The following PDE1C variants were observed in gnomAD, a reference collection of about 807,000 sequenced individuals.
PDE1C encodes dual specificity calcium/calmodulin-dependent 3',5'-cyclic nucleotide phosphodiesterase 1C.
In PDE1C, 62 loss-of-function variants were observed where a neutral mutation model predicts 93.1. That is an observed-to-expected ratio of 0.67 (90% CI 0.54 to 0.82). The LOEUF (loss-of-function observed/expected upper bound fraction) is 0.82, where lower values mean the gene tolerates loss of function less well. Among genes scored for constraint, PDE1C ranks in the 40% least tolerant of loss-of-function variants. The probability of loss-of-function intolerance (pLI) is 0.00; values close to 1 mark genes in which losing one functional copy is unlikely to be tolerated. For synonymous variants in PDE1C, 325 were observed against 310.1 expected (o/e 1.05, Z -0.50); for missense variants, 742 against 884.6 (o/e 0.84, Z 2.04).
intron 3 of PDE1C, among the ~76,000 whole-genome samples, chr7:32,119,437 C>A (rs1235565015): frequency 6.6e-6 from 1 of 152,158 alleles, no homozygotes; most frequent in Non-Finnish European, 1.5e-5. Flanking sequence ...TAAATTACAG[C>A]AAGGCTGGTA....
chr7:32,226,038 A>G (rs1286062999), intron 1 of PDE1C, among the ~76,000 whole-genome samples: 6 of 152,174 alleles, frequency 3.9e-5, no homozygotes, highest in Non-Finnish European at 7.3e-5. Flanking sequence ...AGCCTGGGCA[A>G]TATAGCGAGA....
At chr7:32,006,626 C>A (rs1216044905) in intron 2 of PDE1C, among the ~76,000 whole-genome samples, 1 of 152,086 alleles carries the variant, frequency 6.6e-6, no homozygotes, top group African/African-American at 2.4e-5. Flanking sequence ...GATAAGAGCT[C>A]AATGTTGGAA....
At chr7:31,983,312 GCTT>G (rs1310746676) in intron 2 of PDE1C, among the ~76,000 whole-genome samples, 2 of 152,274 alleles carry the variant, frequency 1.3e-5, no homozygotes, top group African/African-American at 4.8e-5. Flanking sequence ...TCTTATGAAA[GCTT>G]CTACATAAAA....
chr7:32,061,338 C>G (rs978252387), intron 1 of PDE1C, among the ~76,000 whole-genome samples: 1 of 152,202 alleles, frequency 6.6e-6, no homozygotes, highest in Admixed American at 6.5e-5. Context: ...CCTTAAAGAG[C>G]AGAGAAAGGG....
intron 2 of PDE1C, among the ~76,000 whole-genome samples, chr7:32,209,118 A>T (rs780343376): frequency 2.6e-5 from 4 of 152,238 alleles, no homozygotes; most frequent in Non-Finnish European, 4.4e-5. Context: ...TAATGTGAAC[A>T]GGCATCCCCT....
intron 1 of PDE1C, among the ~76,000 whole-genome samples, chr7:32,064,287 A>G (rs754754672): frequency 3.9e-4 from 60 of 152,128 alleles, no homozygotes; most frequent in Non-Finnish European, 4.9e-4. Flanking sequence ...AATTTAACAT[A>G]TCTATACCCA....
At chr7:32,104,746 C>T (rs150015257) in intron 3 of PDE1C, among the ~76,000 whole-genome samples, 4 of 152,208 alleles carry the variant, frequency 2.6e-5, no homozygotes, top group African/African-American at 7.2e-5. Context: ...AAAGCAATAA[C>T]GGTGCTACAC....
intron 2 of PDE1C, among the ~76,000 whole-genome samples, chr7:32,190,119 C>T (rs1804137936): frequency 6.6e-6 from 1 of 152,170 alleles, no homozygotes; most frequent in Non-Finnish European, 1.5e-5. Flanking sequence ...GATTAGGGAA[C>T]CTAGCTTCAT....
rs200338870 is a variant in PDE1C, at chr7:32,417,670, T to TAA, written c.310+10150_310+10151dup. Reference sequence around the variant, plus strand: ...TTTTGGTACTATAATCCCAATTTAGTAAAAAAAAAAAAAAAAAATCATACT... The same window carrying TAA: ...TTTTGGTACTATAATCCCAATTTAGTAAAAAAAAAAAAAAAAAAAATCATACT... On this transcript the variant is annotated intron_variant, in intron 1 of 1. Transcript: ENST00000672256. Among the ~76,000 whole-genome samples the TAA allele has an allele frequency of 9.6e-3, 1,076 of 112,356 alleles. 16 individuals carry two copies. Among genetic ancestry groups the TAA allele is most frequent in the African/African-American group, 0.026 (859 of 33,116 alleles). The allele number at this position is 112,356 out of a possible 152,430, so 73.7% of individuals were successfully genotyped here. A position where few individuals can be genotyped will look rare whatever the true frequency, so the allele number is the denominator to read the frequency against.
At chr7:31,744,630 TC>T in the PDE1C span, among the ~76,000 whole-genome samples, 1 of 152,190 alleles carries the variant, frequency 6.6e-6, no homozygotes, top group African/African-American at 2.4e-5. Context: ...CTAGAAATGA[TC>T]AAGGCATGAT....
At chr7:31,830,319 C>T (rs1790223445) in intron 11 of PDE1C, among the ~76,000 whole-genome samples, 1 of 152,116 alleles carries the variant, frequency 6.6e-6, no homozygotes. Context: ...TCATACACTT[C>T]CTCTTTATTG....
chr7:32,066,024 G>C (rs1010067823), intron 1 of PDE1C, among the ~76,000 whole-genome samples: 5 of 152,190 alleles, frequency 3.3e-5, no homozygotes, highest in African/African-American at 1.2e-4. Context: ...TAGCCTCACT[G>C]CCTCCTATCA....
At chr7:32,004,370 G>T (rs1479007728) in intron 2 of PDE1C, among the ~76,000 whole-genome samples, 2 of 152,096 alleles carry the variant, frequency 1.3e-5, no homozygotes, top group Non-Finnish European at 2.9e-5. Flanking sequence ...GCCTGGAAAA[G>T]GTAACCAAGG....
intron 1 of PDE1C, among the ~76,000 whole-genome samples, chr7:32,259,968 T>C (rs1810083010): frequency 6.6e-6 from 1 of 152,182 alleles, no homozygotes; most frequent in Non-Finnish European, 1.5e-5. Context: ...CATGGCTTGG[T>C]GCCCAGAAAT....
At chr7:31,865,187 A>T in intron 6 of PDE1C, 105 bp from the exon 7 acceptor site, 1 of 1,059,158 alleles carries the variant, frequency 9.4e-7, no homozygotes, top group Non-Finnish European at 1.4e-6. Flanking sequence ...GGCATAACAC[A>T]TGAGGAAATT....
chr7:31,731,676 C>T, the PDE1C span, among the ~76,000 whole-genome samples: 1 of 152,236 alleles, frequency 6.6e-6, no homozygotes, highest in African/African-American at 2.4e-5. Context: ...GCGTGAGCCA[C>T]TGCGCCTGGC....
At chr7:31,846,952 A>T (rs1332322716) in intron 9 of PDE1C, among the ~76,000 whole-genome samples, 1 of 152,178 alleles carries the variant, frequency 6.6e-6, no homozygotes, top group Non-Finnish European at 1.5e-5. Context: ...ATTGTTCAGT[A>T]AAGTTCATTT....
intron 9 of PDE1C, among the ~76,000 whole-genome samples, chr7:31,838,700 A>C (rs970072357): frequency 7.2e-5 from 11 of 152,024 alleles, no homozygotes; most frequent in African/African-American, 2.4e-4. Flanking sequence ...TTTTTCCCTC[A>C]ACCCCTGCCA....
the PDE1C span, among the ~76,000 whole-genome samples, chr7:31,709,290 AGCCCCTG>A: frequency 5.9e-5 from 9 of 152,206 alleles, no homozygotes; most frequent in Admixed American, 4.6e-4. Flanking sequence ...ATGCCAAGCA[AGCCCCTG>A]GAACTCTCTG....
Sources: gnomAD v4.1 joint callset for allele counts (sites outside exome capture counted in the v4.1 genomes callset) on GRCh38, gnomAD v4.1.1 for gene constraint, MANE v1.5 for transcripts, NCBI Gene and HGNC (gene_info 2026-07-23, HGNC 2026-07-21) for gene names.